The following SLC22A23 variants were observed in gnomAD, a reference collection of about 807,000 sequenced individuals.
SLC22A23 encodes the protein solute carrier family 22 member 23.
SLC22A23 carries 26 observed loss-of-function variants against 61.0 expected under a neutral mutation model. The observed-to-expected ratio is 0.43, with a 90% CI of 0.31 to 0.59. The LOEUF is 0.59. Ranked by LOEUF, SLC22A23 falls within the 20% of genes least tolerant of loss-of-function variation. SLC22A23 has a pLI of 0.11. For missense variants in SLC22A23, 796 were observed against 934.7 expected (o/e 0.85, Z 1.94); for synonymous variants, 430 against 413.9 (o/e 1.04, Z -0.47).
At chr6:3,394,818 C>A (rs370951005) in intron 3 of SLC22A23, among the ~76,000 whole-genome samples, 2 of 152,230 alleles carry the variant, frequency 1.3e-5, no homozygotes, top group East Asian at 3.9e-4. Flanking sequence ...AGAGTCACAT[C>A]CTGTCTGGCC....
At position 3,322,068 on chromosome 6, in the gene SLC22A23, G is replaced by A. The variant is rs984448136; in HGVS notation, c.1082+1766C>T. ...ACTGTATCTCTAAAGAGCAAACAAG[G>A]AATAGGGGCCAGGCAGGGGAAGACA... On this transcript the variant is annotated intron_variant, in intron 4 of 9. Coordinates refer to ENST00000406686, the MANE Select transcript of SLC22A23 (RefSeq NM_015482.2). The surrounding 1 kb of genome is among the most constrained non-coding windows in gnomAD (Gnocchi z 4.1). 6.6e-6 allele frequency among the ~76,000 whole-genome samples: 1 copy of A among 152,184 alleles called. No homozygotes were observed. Among genetic ancestry groups the A allele is most frequent in the African/African-American group, 2.4e-5 (1 of 41,442 alleles).
chr6:3,443,439 T>C (rs1422293542), intron 1 of SLC22A23, among the ~76,000 whole-genome samples: 1 of 152,140 alleles, frequency 6.6e-6, no homozygotes, highest in African/African-American at 2.4e-5. Context: ...TAAGGCCATG[T>C]TTAATTATTC....
At chr6:3,343,510 T>C (rs1764264468) in intron 3 of SLC22A23, among the ~76,000 whole-genome samples, 1 of 137,806 alleles carries the variant, frequency 7.3e-6, no homozygotes, top group Admixed American at 7.0e-5. Context: ...TTAGACATAA[T>C]GTCCTCGTTT....
intron 3 of SLC22A23, among the ~76,000 whole-genome samples, chr6:3,397,056 G>A (rs942605252): frequency 2.0e-5 from 3 of 152,132 alleles, no homozygotes; most frequent in South Asian, 2.1e-4. Flanking sequence ...ACCCATAGAC[G>A]CTGCTGTGGG....
intron 5 of SLC22A23, among the ~76,000 whole-genome samples, chr6:3,295,461 G>A (rs535175459): frequency 6.6e-6 from 1 of 152,276 alleles, no homozygotes; most frequent in African/African-American, 2.4e-5. Flanking sequence ...GGGTCTACCC[G>A]AAAGGCACTG....
chr6:3,291,258 TG>T (rs1455131457), intron 5 of SLC22A23: 1 of 152,160 alleles, frequency 6.6e-6, no homozygotes, highest in Non-Finnish European at 1.5e-5. Context: ...GAACCCTGGA[TG>T]GCTCAAGTTC....
At chr6:3,377,379 G>A (rs1766645475) in intron 3 of SLC22A23, among the ~76,000 whole-genome samples, 1 of 152,172 alleles carries the variant, frequency 6.6e-6, no homozygotes, top group African/African-American at 2.4e-5. Context: ...GGTCAACAGA[G>A]GGAACACTGG....
Position 3,372,041 on chromosome 6 carries a change from T to A in SLC22A23, c.913+38147A>T, listed in dbSNP as rs1041280030. 6.6e-6 allele frequency among the ~76,000 whole-genome samples: 1 copy of A among 152,208 alleles called. No individual in the cohort carries two copies. The highest frequency in any genetic ancestry group is 2.4e-5 in the African/African-American group (1 of 41,452). On this transcript the variant is annotated intron_variant, in intron 3 of 9. Coordinates refer to ENST00000406686, the MANE Select transcript of SLC22A23 (RefSeq NM_015482.2). The surrounding 1 kb of genome is among the most constrained non-coding windows in gnomAD (Gnocchi z 4.7). Reference sequence around the variant, plus strand: ...TCCCAGGAGGTATGTACTCTCATCATCCCTAATTTACAGATGAGGAAACTG... The same window carrying A: ...TCCCAGGAGGTATGTACTCTCATCAACCCTAATTTACAGATGAGGAAACTG...
intron 3 of SLC22A23, among the ~76,000 whole-genome samples, chr6:3,367,530 T>A (rs1475475): frequency 0.7 from 106,752 of 152,042 alleles, 37,716 homozygotes; most frequent in East Asian, 0.84. Flanking sequence ...GAGATGCATC[T>A]GGGTCTCAGA....
Position 3,456,631 on chromosome 6 carries a change from G to C in SLC22A23, c.-72C>G, listed in dbSNP as rs1772423896. On this transcript the variant is annotated 5_prime_UTR_variant, in exon 1 of 10. Coordinates refer to ENST00000406686, the MANE Select transcript of SLC22A23 (RefSeq NM_015482.2). The surrounding 1 kb of genome is among the most constrained non-coding windows in gnomAD (Gnocchi z 7.1). ...GCTCCGCGGGCGCCCCGGGCACAGC[G>C]CGCCGGGCCAGGCGCCTGCAGCCGC... is the stretch of plus-strand genomic sequence containing the variant. 1.1e-6 allele frequency: 1 copy of C among 935,886 alleles called. No homozygotes were observed. Among genetic ancestry groups the C allele is most frequent in the African/African-American group, 1.8e-5 (1 of 55,786 alleles). 58.0% of individuals were successfully genotyped at this position (935,886 alleles called of 1,614,324 possible). A position where few individuals can be genotyped will look rare whatever the true frequency, so the allele number is the denominator to read the frequency against.
At chr6:3,425,232 A>C (rs1342055996) in intron 1 of SLC22A23, among the ~76,000 whole-genome samples, 2 of 152,012 alleles carry the variant, frequency 1.3e-5, no homozygotes, top group East Asian at 3.9e-4. Context: ...TTTATTATAA[A>C]AGCCAGTAGA....
chr6:3,377,024 G>T (rs1005585263), intron 3 of SLC22A23, among the ~76,000 whole-genome samples: 9 of 152,076 alleles, frequency 5.9e-5, no homozygotes, highest in Non-Finnish European at 1.5e-5. Context: ...TAGCAATATT[G>T]TCCTTACTTC....
rs1471967514 is a variant in SLC22A23, at chr6:3,297,526, A to G, written c.1210+565T>C. Among the ~76,000 whole-genome samples, 1 of 152,154 alleles carries G rather than the reference A, an allele frequency of 6.6e-6. No individual in the cohort carries two copies. The highest frequency in any genetic ancestry group is 1.5e-5 in the Non-Finnish European group (1 of 68,028). On this transcript the variant is annotated intron_variant, in intron 5 of 9. Transcript: ENST00000406686. This position sits in a 1 kb window ranked among gnomAD's most constrained non-coding sequence, Gnocchi z 4.3. ...GAGGCCCAGGAATCTGGATTTTAAC[A>G]ACCTCCTGGTGATACGTGGATCCCC... is the stretch of plus-strand genomic sequence containing the variant.
intron 1 of SLC22A23, among the ~76,000 whole-genome samples, chr6:3,455,150 C>G (rs1406574338): frequency 6.6e-6 from 1 of 152,218 alleles, no homozygotes; most frequent in East Asian, 1.9e-4. Context: ...TTTCACACCA[C>G]GCAATACCTC....
chr6:3,296,998 C>T (rs1370160531), intron 5 of SLC22A23, among the ~76,000 whole-genome samples: 1 of 152,196 alleles, frequency 6.6e-6, no homozygotes, highest in Non-Finnish European at 1.5e-5. Flanking sequence ...GCCCCTGGAG[C>T]AAAGCTTCCG....
chr6:3,441,898 T>C (rs546405998), intron 1 of SLC22A23, among the ~76,000 whole-genome samples: 47 of 152,246 alleles, frequency 3.1e-4, no homozygotes, highest in African/African-American at 1.1e-3. Context: ...CGCAAGCAGC[T>C]GCAGCACTGC....
At chr6:3,301,335 T>C (rs1312013053) in intron 4 of SLC22A23, among the ~76,000 whole-genome samples, 2 of 152,184 alleles carry the variant, frequency 1.3e-5, no homozygotes, top group East Asian at 3.9e-4. Flanking sequence ...GATATTATCA[T>C]TTGAGATACA....
At chr6:3,354,643 A>G (rs565806362) in intron 3 of SLC22A23, among the ~76,000 whole-genome samples, 1 of 152,330 alleles carries the variant, frequency 6.6e-6, no homozygotes, top group South Asian at 2.1e-4. Flanking sequence ...GTCTGTTTTT[A>G]GTTGATGTCC....
At chr6:3,349,371 C>T (rs1023683592) in intron 3 of SLC22A23, among the ~76,000 whole-genome samples, 10 of 152,158 alleles carry the variant, frequency 6.6e-5, no homozygotes, top group African/African-American at 2.4e-4. Flanking sequence ...CCCACCTACC[C>T]GAGGACTCTT....
Sources: gnomAD v4.1 joint callset for allele counts (sites outside exome capture counted in the v4.1 genomes callset) on GRCh38, gnomAD v4.1.1 for gene constraint, Gnocchi (gnomAD v3.1) non-coding constraint, MANE v1.5 for transcripts, NCBI Gene and HGNC (gene_info 2026-07-23, HGNC 2026-07-21) for gene names.